Variants in PTGFR observed in about 807,000 individuals in gnomAD.
PTGFR encodes the protein prostaglandin F2-alpha receptor.
In PTGFR, 15 loss-of-function variants were observed where a neutral mutation model predicts 26.2. The observed-to-expected ratio is 0.57, with a 90% CI of 0.38 to 0.88. The LOEUF (loss-of-function observed/expected upper bound fraction) is 0.88, where lower values mean the gene tolerates loss of function less well. Ranked by LOEUF, PTGFR falls within the 40% of genes least tolerant of loss-of-function variation. The probability of loss-of-function intolerance (pLI) is 0.00; values close to 1 mark genes in which losing one functional copy is unlikely to be tolerated. For synonymous variants in PTGFR, 165 were observed against 151.1 expected, an observed-to-expected ratio of 1.09 and a Z score of -0.68; for missense variants, 369 against 427.2, an observed-to-expected ratio of 0.86 and a Z score of 1.20.
At chr1:78,495,147 T>C (rs2100348046) in intron 2 of PTGFR, among the ~76,000 whole-genome samples, 1 of 152,338 alleles carries the variant, frequency 6.6e-6, no homozygotes, top group Middle Eastern at 3.4e-3. Flanking sequence ...TCATAAGAGC[T>C]CACCCAAGGG....
At chr1:78,492,293 G>GTC (rs1649421620) in intron 1 of PTGFR, among the ~76,000 whole-genome samples, 2 of 152,276 alleles carry the variant, frequency 1.3e-5, no homozygotes, top group African/African-American at 2.4e-5. Context: ...ACTTTAAAAG[G>GTC]TCTCTCTCTC....
Position 78,536,717 on chromosome 1 carries a change from T to A in PTGFR, c.*30T>A. ...ATAGGACAGTAAATCTGTGTGGGGCTAGAACAAAATTAAGACATGTTTGGC... is the reference window on the plus strand; with the variant it reads ...ATAGGACAGTAAATCTGTGTGGGGCAAGAACAAAATTAAGACATGTTTGGC... On this transcript the variant is annotated 3_prime_UTR_variant, in exon 3 of 3. Transcript: ENST00000370757. 1 of 1,575,326 alleles carries A rather than the reference T, an allele frequency of 6.3e-7. No homozygotes were observed. The highest frequency in any genetic ancestry group is 8.6e-7 in the Non-Finnish European group (1 of 1,163,762).
rs1414662405 is a variant in PTGFR at position 78,540,203 on chromosome 1, G to A, written c.*3516G>A. Among the ~76,000 whole-genome samples, 1 of 152,048 alleles carries A rather than the reference G, an allele frequency of 6.6e-6. No homozygotes were observed. Among genetic ancestry groups the A allele is most frequent in the Middle Eastern group, 3.2e-3 (1 of 316 alleles). ...ACAGAGCATGGTGAATCACACACAGGCTGTTAGAATATCCATCTGGAGGCA... is the reference window on the plus strand; with the variant it reads ...ACAGAGCATGGTGAATCACACACAGACTGTTAGAATATCCATCTGGAGGCA... On this transcript the variant is annotated 3_prime_UTR_variant, in exon 3 of 3. Coordinates refer to ENST00000370757, the MANE Select transcript of PTGFR (RefSeq NM_000959.4).
chr1:78,532,382 ATATATATATATATATG>A (rs1650532980), intron 2 of PTGFR: 2 of 146,066 alleles, frequency 1.4e-5, no homozygotes, highest in African/African-American at 5.3e-5. Context: ...ATATATATAT[ATATATATATATATATG>A]TATATATGTG....
chr1:78,516,079 A>C (rs954538295), intron 2 of PTGFR, among the ~76,000 whole-genome samples: 3 of 152,186 alleles, frequency 2.0e-5, no homozygotes, highest in African/African-American at 7.2e-5. Context: ...ATTCTTGCTT[A>C]AGAATTTTTC....
chr1:78,517,093 G>T (rs544294847), intron 2 of PTGFR, among the ~76,000 whole-genome samples: 1 of 152,258 alleles, frequency 6.6e-6, no homozygotes, highest in Non-Finnish European at 1.5e-5. Flanking sequence ...AAGAGCCAAA[G>T]ATAGATGTCC....
chr1:78,529,821 C>T (rs1049085776), intron 2 of PTGFR, among the ~76,000 whole-genome samples: 1 of 152,170 alleles, frequency 6.6e-6, no homozygotes, highest in African/African-American at 2.4e-5. Flanking sequence ...CAAACATTAC[C>T]ACCTGAGTTC....
intron 2 of PTGFR, among the ~76,000 whole-genome samples, chr1:78,513,350 C>G (rs1361081444): frequency 6.6e-6 from 1 of 152,130 alleles, no homozygotes; most frequent in Non-Finnish European, 1.5e-5. Flanking sequence ...TTAATGGGAG[C>G]TGGTGTGAAA....
At chr1:78,510,697 C>G (rs1649945639) in intron 2 of PTGFR, among the ~76,000 whole-genome samples, 1 of 152,024 alleles carries the variant, frequency 6.6e-6, no homozygotes, top group African/African-American at 2.4e-5. Flanking sequence ...CAACAATCCC[C>G]TCACAGTACT....
At position 78,492,933 on chromosome 1, in the gene PTGFR, G is replaced by A. The variant is rs749646065; in HGVS notation, c.190G>A (p.Ala64Thr). 1.9e-6 allele frequency: 3 copies of A among 1,614,214 alleles called. No individual in the cohort carries two copies. The highest frequency in any genetic ancestry group is 2.5e-6 in the Non-Finnish European group (3 of 1,180,036). The stretch of plus-strand genomic sequence containing the variant: ...TCAGAGATTTAGACAGAAGTCCAAG[G>A]CATCGTTTCTGCTTTTGGCCAGTGG... Reference protein sequence around the residue: ...AYQRFRQKSKASFLLLASGLV... With the variant: ...AYQRFRQKSKTSFLLLASGLV... Residue 64 changes from alanine to threonine, a missense_variant, in exon 2 of 3, where the codon GCA (alanine) becomes ACA (threonine). By Grantham distance (58) the Ala-to-Thr change is moderately conservative. Coordinates refer to ENST00000370757, the MANE Select transcript of PTGFR (RefSeq NM_000959.4).
intron 2 of PTGFR, among the ~76,000 whole-genome samples, chr1:78,530,965 G>A (rs1430888218): frequency 2.0e-5 from 3 of 152,028 alleles, no homozygotes; most frequent in Non-Finnish European, 4.4e-5. Context: ...AGGATGAATT[G>A]GATTAAAATA....
chr1:78,522,013 T>G (rs1402028493), intron 2 of PTGFR, among the ~76,000 whole-genome samples: 1 of 151,704 alleles, frequency 6.6e-6, no homozygotes, highest in Admixed American at 6.6e-5. Context: ...AACAAGTGTC[T>G]GAGATGAAGG....
chr1:78,506,149 G>C (rs970434299), intron 2 of PTGFR, among the ~76,000 whole-genome samples: 3 of 152,042 alleles, frequency 2.0e-5, no homozygotes, highest in African/African-American at 4.8e-5. Flanking sequence ...ATTCCTAACA[G>C]CAACGTGCGA....
intron 2 of PTGFR, among the ~76,000 whole-genome samples, chr1:78,536,167 C>T (rs972305441): frequency 6.6e-6 from 1 of 152,098 alleles, no homozygotes; most frequent in Non-Finnish European, 1.5e-5. Context: ...TCTGTTTATG[C>T]ATATTTGACT....
chr1:78,510,947 C>T (rs953759485), intron 2 of PTGFR, among the ~76,000 whole-genome samples: 6 of 152,136 alleles, frequency 3.9e-5, no homozygotes, highest in Non-Finnish European at 5.9e-5. Context: ...AATTTTAAAT[C>T]TTAAATAGTT....
chr1:78,509,596 T>C (rs1029032849), intron 2 of PTGFR, among the ~76,000 whole-genome samples: 4 of 152,228 alleles, frequency 2.6e-5, no homozygotes, highest in Non-Finnish European at 5.9e-5. Context: ...CCGATACATC[T>C]TAATTTTTAA....
intron 2 of PTGFR, among the ~76,000 whole-genome samples, chr1:78,525,604 G>A (rs1650351948): frequency 6.6e-6 from 1 of 151,954 alleles, no homozygotes; most frequent in Non-Finnish European, 1.5e-5. Flanking sequence ...ATAATTGATT[G>A]AATAATTGAT....
intron 2 of PTGFR, among the ~76,000 whole-genome samples, chr1:78,535,270 A>T (rs1321720364): frequency 6.6e-6 from 1 of 152,176 alleles, no homozygotes; most frequent in African/African-American, 2.4e-5. Flanking sequence ...TGGTTGTATC[A>T]TACGGAATTT....
chr1:78,532,806 A>G (rs890003236), intron 2 of PTGFR, among the ~76,000 whole-genome samples: 14 of 152,164 alleles, frequency 9.2e-5, no homozygotes, highest in African/African-American at 3.4e-4. Context: ...ATATATCCAT[A>G]TTTTCTAAGT....
Sources: gnomAD v4.1 joint callset for allele counts (sites outside exome capture counted in the v4.1 genomes callset) on GRCh38, gnomAD v4.1.1 for gene constraint, MANE v1.5 for transcripts, NCBI Gene and HGNC (gene_info 2026-07-23, HGNC 2026-07-21) for gene names.